RBMS3: variants seen among roughly 807,000 people sequenced by gnomAD.
RBMS3 encodes the protein RNA-binding motif, single-stranded-interacting protein 3.
In RBMS3, 27 loss-of-function variants were observed where a neutral mutation model predicts 66.8. The observed-to-expected ratio is 0.40, with a 90% CI of 0.30 to 0.56. The LOEUF (loss-of-function observed/expected upper bound fraction) is 0.56, where lower values mean the gene tolerates loss of function less well. RBMS3 is among the 20% of genes least tolerant of loss of function. The pLI is 0.40. For synonymous variants in RBMS3, 188 were observed against 183.0 expected (o/e 1.03, Z -0.22); for missense variants, 513 against 549.5 (o/e 0.93, Z 0.66).
chr3:29,334,495 G>A (rs796843938), intron 1 of RBMS3, among the ~76,000 whole-genome samples: 1 of 151,910 alleles, frequency 6.6e-6, no homozygotes, highest in East Asian at 1.9e-4. Flanking sequence ...TTTATATTAA[G>A]CTTAATAGTT....
intron 1 of RBMS3, among the ~76,000 whole-genome samples, chr3:29,311,404 G>C (rs1167298543): frequency 6.6e-6 from 1 of 151,720 alleles, no homozygotes; most frequent in Non-Finnish European, 1.5e-5. Flanking sequence ...AGGTAGAACA[G>C]AAAATTGGTC....
chr3:29,846,167 C>A (rs28563090), intron 6 of RBMS3, among the ~76,000 whole-genome samples: 2,206 of 151,706 alleles, frequency 0.015, 47 homozygotes, highest in African/African-American at 0.049. Flanking sequence ...ATCATTCTGA[C>A]TATGTATGGA....
chr3:29,953,528 C>A (rs886209151), intron 12 of RBMS3, among the ~76,000 whole-genome samples: 4 of 151,770 alleles, frequency 2.6e-5, no homozygotes, highest in Non-Finnish European at 5.9e-5. Flanking sequence ...TATTGCCTAA[C>A]AAAAATATAG....
chr3:29,302,630 T>C (rs1361707112), intron 1 of RBMS3, among the ~76,000 whole-genome samples: 1 of 152,038 alleles, frequency 6.6e-6, no homozygotes, highest in Non-Finnish European at 1.5e-5. Flanking sequence ...ACTTAATCAG[T>C]AATTTTAAAA....
chr3:29,765,659 T>C (rs2055890335), intron 6 of RBMS3: 1 of 152,028 alleles, frequency 6.6e-6, no homozygotes, highest in Non-Finnish European at 1.5e-5. Context: ...CCAATAATGA[T>C]GACCTGAGAT....
chr3:29,675,539 G>A (rs528778983), intron 4 of RBMS3, among the ~76,000 whole-genome samples: 97 of 152,254 alleles, frequency 6.4e-4, no homozygotes, highest in Non-Finnish European at 1.2e-3. Flanking sequence ...CTGACAAAGG[G>A]CTAATATCCA....
chr3:29,425,027 C>A (rs965102210), intron 1 of RBMS3, among the ~76,000 whole-genome samples: 1 of 151,826 alleles, frequency 6.6e-6, no homozygotes, highest in Non-Finnish European at 1.5e-5. Flanking sequence ...CTTCATTCTA[C>A]TTAGGAGGGT....
At chr3:29,491,172 A>G (rs1406530309) in intron 3 of RBMS3, among the ~76,000 whole-genome samples, 1 of 152,230 alleles carries the variant, frequency 6.6e-6, no homozygotes, top group Non-Finnish European at 1.5e-5. Context: ...TAAGCAAATT[A>G]TATAGTGGGA....
intron 11 of RBMS3, among the ~76,000 whole-genome samples, chr3:29,943,155 C>T (rs1050796112): frequency 3.3e-5 from 5 of 151,708 alleles, no homozygotes; most frequent in South Asian, 2.1e-4. Context: ...GTGAGAAATA[C>T]GTGATAGTCC....
At chr3:29,775,722 G>A (rs943711272) in intron 6 of RBMS3, among the ~76,000 whole-genome samples, 1 of 151,854 alleles carries the variant, frequency 6.6e-6, no homozygotes, top group Admixed American at 6.6e-5. Context: ...AAGTACGTAC[G>A]ACCTTCCAGG....
At chr3:29,385,007 A>G (rs1473042051) in intron 1 of RBMS3, among the ~76,000 whole-genome samples, 1 of 151,902 alleles carries the variant, frequency 6.6e-6, no homozygotes, top group Non-Finnish European at 1.5e-5. Context: ...TGCCGAACAA[A>G]CCTCCTCATC....
intron 12 of RBMS3, among the ~76,000 whole-genome samples, chr3:29,983,603 A>T (rs945458962): frequency 1.3e-5 from 2 of 151,336 alleles, no homozygotes; most frequent in Admixed American, 1.3e-4. Context: ...CTTGTAAGGC[A>T]GGCTCGGTGG....
In RBMS3 at chr3:29,302,924, T is replaced by C. The variant is rs575164944; in HGVS notation, c.75+21168T>C. 4.6e-5 allele frequency among the ~76,000 whole-genome samples: 7 copies of C among 152,164 alleles called. No homozygotes were observed. The South Asian group carries it at 1.5e-3, about 32-fold the overall frequency. On this transcript the variant is annotated intron_variant, in intron 1 of 14. Transcript: ENST00000383767. ...TAAATCTGTTGATCATAAAGGGATGTTTTATGTTGTGTATCGACAAATTAG... is the reference window on the plus strand; with the variant it reads ...TAAATCTGTTGATCATAAAGGGATGCTTTATGTTGTGTATCGACAAATTAG...
intron 6 of RBMS3, among the ~76,000 whole-genome samples, chr3:29,825,482 A>G (rs1037818699): frequency 4.6e-5 from 7 of 152,122 alleles, no homozygotes; most frequent in Non-Finnish European, 8.8e-5. Flanking sequence ...TAATTGAATT[A>G]TGGGGGTGGG....
intron 6 of RBMS3, among the ~76,000 whole-genome samples, chr3:29,837,950 C>T (rs1377497053): frequency 2.0e-5 from 3 of 151,170 alleles, no homozygotes; most frequent in African/African-American, 7.3e-5. Flanking sequence ...ATTTTCTAAG[C>T]TTATGTTACA....
chr3:29,546,108 TTGTGTGTGTGTGTGTGTG>T (rs71091070), intron 3 of RBMS3, among the ~76,000 whole-genome samples: 52 of 146,038 alleles, frequency 3.6e-4, no homozygotes, highest in African/African-American at 8.4e-4. Context: ...TGAGACGGGT[TTGTGTGTGTGTGTGTGTG>T]TGTGTGTGTG....
chr3:29,864,424 A>G (rs560297235), intron 6 of RBMS3, among the ~76,000 whole-genome samples: 7 of 152,348 alleles, frequency 4.6e-5, no homozygotes, highest in Middle Eastern at 3.4e-3. Flanking sequence ...AGATGACCCA[A>G]TGACAAGCTA....
In RBMS3 at chr3:29,811,578, T is replaced by C. The variant is rs186262617; in HGVS notation, c.637+48589T>C. On this transcript the variant is annotated intron_variant, in intron 6 of 14. Coordinates refer to ENST00000383767, the MANE Select transcript of RBMS3 (RefSeq NM_001003793.3). ...ATAGGAAACACATGTAACTTTACCATGCTGAAGAGAAGGCATGAGGCTGCT... is the reference window on the plus strand; with the variant it reads ...ATAGGAAACACATGTAACTTTACCACGCTGAAGAGAAGGCATGAGGCTGCT... Among the ~76,000 whole-genome samples, 70 of 152,334 alleles carry C rather than the reference T, an allele frequency of 4.6e-4. 2 individuals carry two copies. Among genetic ancestry groups the C allele is most frequent in the African/African-American group, 1.6e-3 (68 of 41,594 alleles).
intron 7 of RBMS3, among the ~76,000 whole-genome samples, chr3:29,873,719 G>A (rs1345890803): frequency 6.6e-6 from 1 of 152,040 alleles, no homozygotes; most frequent in Non-Finnish European, 1.5e-5. Flanking sequence ...TGTTGACTAT[G>A]GGTTTTTCAT....
Sources: gnomAD v4.1 joint callset for allele counts (sites outside exome capture counted in the v4.1 genomes callset) on GRCh38, gnomAD v4.1.1 for gene constraint, MANE v1.5 for transcripts, NCBI Gene and HGNC (gene_info 2026-07-23, HGNC 2026-07-21) for gene names.